Variants in SYN2 observed in about 807,000 individuals in gnomAD.
SYN2 encodes the protein synapsin II, also known as synapsin-2.
A neutral mutation model predicts 50.9 loss-of-function variants in SYN2; 19 were observed. The ratio of observed to expected loss-of-function variants is 0.37; its 90% confidence interval spans 0.26 to 0.55. The LOEUF is 0.55. Ranked by LOEUF, SYN2 falls within the 20% of genes least tolerant of loss-of-function variation. The probability of loss-of-function intolerance (pLI) is 0.81; values close to 1 mark genes in which losing one functional copy is unlikely to be tolerated. For synonymous variants in SYN2, 255 were observed against 224.9 expected (o/e 1.13, Z -1.20); for missense variants, 587 against 576.4 (o/e 1.02, Z -0.19).
chr3:12,184,268 TTG>T, intron 11 of SYN2: 1 of 985,888 alleles, frequency 1.0e-6, no homozygotes, highest in Non-Finnish European at 1.2e-6. Context: ...TGTGAGTATT[TTG>T]TGTGTGTTGA....
chr3:12,061,030 G>A (rs1312175927), intron 1 of SYN2, among the ~76,000 whole-genome samples: 1 of 152,166 alleles, frequency 6.6e-6, no homozygotes, highest in South Asian at 2.1e-4. Context: ...AATGTAAGCA[G>A]AGAGATGGAA....
At chr3:12,071,385 A>G (rs1695351950) in intron 1 of SYN2, 10 of 553,426 alleles carry the variant, frequency 1.8e-5, no homozygotes, top group Admixed American at 7.7e-5. Flanking sequence ...GCAGATGTGT[A>G]GCATTTGCTG....
intron 1 of SYN2, among the ~76,000 whole-genome samples, chr3:12,016,850 TCAA>T (rs539786991): frequency 4.6e-5 from 7 of 152,162 alleles, no homozygotes; most frequent in Admixed American, 6.5e-5. Context: ...AGACTCCATC[TCAA>T]CAACAACAAC....
intron 5 of SYN2, among the ~76,000 whole-genome samples, chr3:12,156,072 C>T (rs2125229620): frequency 6.6e-6 from 1 of 152,358 alleles, no homozygotes; most frequent in East Asian, 1.9e-4. Flanking sequence ...TCTCCACTCT[C>T]CTGGCCAAGG....
intron 11 of SYN2, chr3:12,185,714 A>G (rs1698329223): frequency 8.1e-6 from 8 of 985,774 alleles, no homozygotes; most frequent in Non-Finnish European, 9.6e-6. Flanking sequence ...CAATAAAGGA[A>G]AAGTTATATC....
chr3:12,042,205 T>A (rs1694632525), intron 1 of SYN2, among the ~76,000 whole-genome samples: 1 of 152,248 alleles, frequency 6.6e-6, no homozygotes, highest in African/African-American at 2.4e-5. Context: ...GTTTTGTAAA[T>A]AATGACTAGT....
chr3:12,078,060 C>T (rs1441693540), intron 1 of SYN2, among the ~76,000 whole-genome samples: 1 of 152,168 alleles, frequency 6.6e-6, no homozygotes, highest in Non-Finnish European at 1.5e-5. Context: ...TTTGCATTCT[C>T]TAATGATCAG....
intron 5 of SYN2, chr3:12,156,767 C>A: frequency 4.8e-6 from 7 of 1,465,130 alleles, no homozygotes; most frequent in South Asian, 1.1e-5. Flanking sequence ...CTCACTACCT[C>A]CCCTAGGGCA....
chr3:12,183,871 C>T, intron 11 of SYN2: 2 of 1,020,184 alleles, frequency 2.0e-6, no homozygotes, highest in Non-Finnish European at 2.3e-6. Context: ...AGTTAAATCC[C>T]CCACCTCCAA....
At chr3:12,085,792 A>G (rs375724659) in intron 1 of SYN2, among the ~76,000 whole-genome samples, 1 of 152,198 alleles carries the variant, frequency 6.6e-6, no homozygotes, top group East Asian at 1.9e-4. Context: ...ATAAATGCCT[A>G]TATCAAAAAA....
intron 1 of SYN2, among the ~76,000 whole-genome samples, chr3:12,127,531 T>C (rs1276057825): frequency 6.6e-6 from 1 of 152,210 alleles, no homozygotes; most frequent in Non-Finnish European, 1.5e-5. Context: ...GTGGCATGAC[T>C]CTTCCAGAAC....
At chr3:12,017,510 C>G (rs549405078) in intron 1 of SYN2, among the ~76,000 whole-genome samples, 1 of 152,174 alleles carries the variant, frequency 6.6e-6, no homozygotes, top group Non-Finnish European at 1.5e-5. Flanking sequence ...CCACTGAACA[C>G]CTTGGTATTT....
intron 9 of SYN2, 151 bp from the exon 10 acceptor site, chr3:12,169,606 G>A (rs1697891109): frequency 1.2e-6 from 1 of 851,290 alleles, no homozygotes. Flanking sequence ...TCCTATTTCT[G>A]CAAATGATCA....
At chr3:12,109,962 A>G (rs1411277137) in intron 1 of SYN2, among the ~76,000 whole-genome samples, 2 of 152,138 alleles carry the variant, frequency 1.3e-5, no homozygotes, top group East Asian at 3.9e-4. Flanking sequence ...CCAAGATGGG[A>G]GGATCGCTTG....
At chr3:12,104,986 C>T (rs886332782) in intron 1 of SYN2, among the ~76,000 whole-genome samples, 9 of 152,164 alleles carry the variant, frequency 5.9e-5, no homozygotes, top group African/African-American at 9.7e-5. Context: ...GCATTAGTAG[C>T]GCTAAGTGAG....
rs77687643 is a variant in SYN2 at position 12,112,252 on chromosome 3, G to A, written c.378-28399G>A. On this transcript the variant is annotated intron_variant, in intron 1 of 12. Coordinates refer to ENST00000621198, the MANE Select transcript of SYN2 (RefSeq NM_133625.6). ...ACTGTCTGCTATCCCCTGCCCCATTGTTCCACTTCTTTGATCAGCTCTATT... is the reference window on the plus strand; with the variant it reads ...ACTGTCTGCTATCCCCTGCCCCATTATTCCACTTCTTTGATCAGCTCTATT... Among the ~76,000 whole-genome samples the A allele has an allele frequency of 5.4e-4, 82 of 152,254 alleles. 1 individual carries two copies. The East Asian group carries it at 0.014, about 25-fold the overall frequency.
chr3:12,126,321 G>C (rs917998724), intron 1 of SYN2, among the ~76,000 whole-genome samples: 1 of 152,134 alleles, frequency 6.6e-6, no homozygotes, highest in Non-Finnish European at 1.5e-5. Flanking sequence ...GGCACTTCCT[G>C]TCTGCCATAT....
At chr3:12,154,399 C>T (rs369235868) in intron 5 of SYN2, 2 of 1,614,044 alleles carry the variant, frequency 1.2e-6, no homozygotes, top group African/African-American at 1.3e-5. Context: ...CCTCCCAGGG[C>T]TCGATGTAGT....
At chr3:12,035,149 G>A (rs930156808) in intron 1 of SYN2, among the ~76,000 whole-genome samples, 2 of 152,194 alleles carry the variant, frequency 1.3e-5, no homozygotes, top group Non-Finnish European at 2.9e-5. Context: ...CCAACATCAT[G>A]AATAACGTTA....
Sources: gnomAD v4.1 joint callset for allele counts (sites outside exome capture counted in the v4.1 genomes callset) on GRCh38, gnomAD v4.1.1 for gene constraint, MANE v1.5 for transcripts, NCBI Gene and HGNC (gene_info 2026-07-23, HGNC 2026-07-21) for gene names.